POU6F2: variants seen among roughly 807,000 people sequenced by gnomAD.
POU6F2 encodes the protein POU class 6 homeobox 2.
Under a neutral mutation model 71.3 loss-of-function variants are expected in POU6F2, and 31 were observed. The observed-to-expected ratio is 0.43, with a 90% CI of 0.33 to 0.59. POU6F2 has a LOEUF of 0.59. Among genes scored for constraint, POU6F2 ranks in the 20% least tolerant of loss-of-function variants. The pLI is 0.04. For synonymous variants in POU6F2, 347 were observed against 355.7 expected, an observed-to-expected ratio of 0.98 and a Z score of 0.27; for missense variants, 783 against 856.8, an observed-to-expected ratio of 0.91 and a Z score of 1.07.
intron 1 of POU6F2, among the ~76,000 whole-genome samples, chr7:38,999,498 T>C (rs150222755): frequency 1.4e-4 from 22 of 152,288 alleles, no homozygotes; most frequent in African/African-American, 4.3e-4. Flanking sequence ...GTATGTGGTG[T>C]CAACTTTCAT....
rs185353845 is a variant in POU6F2 at position 39,395,420 on chromosome 7, C to T, written c.973-11180C>T. Among the ~76,000 whole-genome samples the T allele has an allele frequency of 4.4e-3, 669 of 152,288 alleles. 5 individuals are homozygous for T. The highest frequency in any genetic ancestry group is 0.015 in the African/African-American group (624 of 41,564). ...ACAATCAACTCTGAGCCATCCTTTA[C>T]GACTCAGTTCCAAAGCTGTCCTCCC... is the stretch of plus-strand genomic sequence containing the variant. On this transcript the variant is annotated intron_variant, in intron 5 of 9. Transcript: ENST00000518318.
chr7:39,028,879 C>T (rs1462470638), intron 1 of POU6F2, among the ~76,000 whole-genome samples: 1 of 152,108 alleles, frequency 6.6e-6, no homozygotes, highest in Non-Finnish European at 1.5e-5. Flanking sequence ...AATCACAATT[C>T]ATTGCAGCCT....
chr7:39,347,156 G>A (rs1786047896), intron 5 of POU6F2, among the ~76,000 whole-genome samples: 1 of 152,174 alleles, frequency 6.6e-6, no homozygotes, highest in African/African-American at 2.4e-5. Flanking sequence ...TTTGGTTCCT[G>A]ATAGATATCT....
chr7:39,175,908 C>T (rs1231117477), intron 2 of POU6F2, among the ~76,000 whole-genome samples: 1 of 152,184 alleles, frequency 6.6e-6, no homozygotes. Context: ...AGAAGGATTA[C>T]CTGTGACTCA....
chr7:38,989,524 A>ATGTGTG (rs1788547320), intron 1 of POU6F2, among the ~76,000 whole-genome samples: 1 of 152,048 alleles, frequency 6.6e-6, no homozygotes, highest in African/African-American at 2.4e-5. Context: ...ACACCTTTTC[A>ATGTGTG]TGATCAGTTT....
At chr7:39,194,230 A>G (rs1159678914) in intron 2 of POU6F2, among the ~76,000 whole-genome samples, 1 of 152,254 alleles carries the variant, frequency 6.6e-6, no homozygotes, top group Non-Finnish European at 1.5e-5. Flanking sequence ...TGAAACAGTC[A>G]CTGGTCAAAA....
chr7:39,044,782 T>G (rs1790255882), intron 1 of POU6F2, among the ~76,000 whole-genome samples: 1 of 151,944 alleles, frequency 6.6e-6, no homozygotes, highest in Admixed American at 6.6e-5. Context: ...CAAGTTAGCA[T>G]GCAGAAAGAA....
intron 1 of POU6F2, among the ~76,000 whole-genome samples, chr7:39,040,796 C>G (rs976527695): frequency 1.3e-5 from 2 of 151,846 alleles, no homozygotes; most frequent in African/African-American, 4.8e-5. Flanking sequence ...TAAATTACAA[C>G]ATGGTACTTT....
At chr7:38,989,253 C>T (rs578099764) in intron 1 of POU6F2, among the ~76,000 whole-genome samples, 1 of 152,012 alleles carries the variant, frequency 6.6e-6, no homozygotes, top group Admixed American at 6.6e-5. Context: ...TTGTAAGTGC[C>T]CCATGTCACA....
chr7:39,451,800 C>G, intron 8 of POU6F2, 99 bp downstream of exon 8: 1 of 1,378,478 alleles, frequency 7.3e-7, no homozygotes, highest in Non-Finnish European at 1.0e-6. Flanking sequence ...CTCTTGCTCT[C>G]TCTTTCTCTC....
chr7:39,183,618 G>A (rs1035417395), intron 2 of POU6F2, among the ~76,000 whole-genome samples: 5 of 152,084 alleles, frequency 3.3e-5, no homozygotes, highest in East Asian at 1.9e-4. Context: ...ATTTGGGCAG[G>A]GACACAGACA....
At chr7:39,347,113 A>T (rs1157889155) in intron 5 of POU6F2, among the ~76,000 whole-genome samples, 3 of 152,140 alleles carry the variant, frequency 2.0e-5, no homozygotes, top group Non-Finnish European at 4.4e-5. Flanking sequence ...TGGTGTGGGG[A>T]TTAAATGCAA....
At chr7:39,290,279 A>C (rs1784726996) in intron 4 of POU6F2, among the ~76,000 whole-genome samples, 1 of 152,054 alleles carries the variant, frequency 6.6e-6, no homozygotes, top group African/African-American at 2.4e-5. Context: ...TCCAGATCTC[A>C]CCGGAAACAT....
chr7:39,177,303 G>GA (rs1406505315), intron 2 of POU6F2, among the ~76,000 whole-genome samples: 2 of 152,252 alleles, frequency 1.3e-5, no homozygotes, highest in African/African-American at 4.8e-5. Flanking sequence ...GGCAGGGATG[G>GA]AAAATCTCTT....
At chr7:39,365,362 A>G (rs1786478429) in intron 5 of POU6F2, among the ~76,000 whole-genome samples, 1 of 152,202 alleles carries the variant, frequency 6.6e-6, no homozygotes, top group Non-Finnish European at 1.5e-5. Flanking sequence ...CTGGATCCTC[A>G]TCTCTCACCT....
At chr7:38,995,842 A>C (rs1364171696) in intron 1 of POU6F2, among the ~76,000 whole-genome samples, 1 of 152,210 alleles carries the variant, frequency 6.6e-6, no homozygotes, top group Non-Finnish European at 1.5e-5. Context: ...TGCTTGACTC[A>C]CAGAAAACAC....
chr7:39,175,561 A>G (rs1302653766), intron 2 of POU6F2, among the ~76,000 whole-genome samples: 1 of 152,144 alleles, frequency 6.6e-6, no homozygotes, highest in Non-Finnish European at 1.5e-5. Context: ...AAACATTTTA[A>G]TTTTGTTTAA....
At chr7:39,087,980 A>C (rs575632061) in intron 2 of POU6F2, among the ~76,000 whole-genome samples, 1 of 152,286 alleles carries the variant, frequency 6.6e-6, no homozygotes, top group Non-Finnish European at 1.5e-5. Flanking sequence ...TTTACTAAGG[A>C]TTTGTAGTTT....
intron 5 of POU6F2, among the ~76,000 whole-genome samples, chr7:39,349,901 G>T (rs1326633403): frequency 6.6e-6 from 1 of 152,208 alleles, no homozygotes; most frequent in Non-Finnish European, 1.5e-5. Flanking sequence ...AGGTTCATGT[G>T]CCACTTGGAG....
Sources: allele counts gnomAD v4.1 joint callset (sites outside exome capture counted in the v4.1 genomes callset), GRCh38; gene constraint gnomAD v4.1.1; transcripts MANE v1.5; gene names NCBI Gene and HGNC (gene_info 2026-07-23, HGNC 2026-07-21).